CNTN4: variants seen among roughly 807,000 people sequenced by gnomAD.
The protein encoded by CNTN4 is contactin 4.
Under a neutral mutation model 122.5 loss-of-function variants are expected in CNTN4, and 77 were observed. The ratio of observed to expected loss-of-function variants is 0.63; its 90% CI spans 0.52 to 0.76. CNTN4 has a LOEUF of 0.76. CNTN4 is among the 30% of genes least tolerant of loss of function. The pLI, the probability that CNTN4 is intolerant of heterozygous loss-of-function variation, is 0.00. For missense variants in CNTN4, 1,256 were observed against 1,259.1 expected (o/e 1.00, Z 0.04); for synonymous variants, 512 against 447.0 (o/e 1.15, Z -1.83).
chr3:2,854,802 ATTAGAG>A (rs375229408), intron 7 of CNTN4, among the ~76,000 whole-genome samples: 5 of 152,192 alleles, frequency 3.3e-5, no homozygotes, highest in Admixed American at 1.3e-4. Flanking sequence ...AAAGTAAATA[ATTAGAG>A]TTAAACTGAC....
At chr3:2,534,322 A>G (rs1400663430) in intron 3 of CNTN4, among the ~76,000 whole-genome samples, 4 of 152,146 alleles carry the variant, frequency 2.6e-5, no homozygotes, top group Non-Finnish European at 5.9e-5. Flanking sequence ...CTTTCTACAT[A>G]TGGCTAGCCA....
At chr3:2,321,134 A>C (rs2043263426) in intron 2 of CNTN4, among the ~76,000 whole-genome samples, 1 of 152,082 alleles carries the variant, frequency 6.6e-6, no homozygotes, top group Non-Finnish European at 1.5e-5. Flanking sequence ...TATAGCTCTG[A>C]AGGGACCCAT....
At chr3:2,213,554 A>G (rs1168852077) in intron 2 of CNTN4, among the ~76,000 whole-genome samples, 2 of 152,216 alleles carry the variant, frequency 1.3e-5, no homozygotes, top group Non-Finnish European at 2.9e-5. Context: ...AGTAGCAATC[A>G]GCATTAATAT....
chr3:2,526,234 T>G (rs2077393316), intron 3 of CNTN4, among the ~76,000 whole-genome samples: 1 of 152,150 alleles, frequency 6.6e-6, no homozygotes, highest in African/African-American at 2.4e-5. Flanking sequence ...AGATTTATTC[T>G]TAGTAAAAAC....
intron 6 of CNTN4, among the ~76,000 whole-genome samples, chr3:2,810,207 T>C (rs563831500): frequency 1.3e-5 from 2 of 152,310 alleles, no homozygotes; most frequent in African/African-American, 4.8e-5. Context: ...AGAATAGTAA[T>C]AGAACCCACC....
chr3:2,752,971 A>G (rs2090164578), intron 6 of CNTN4, among the ~76,000 whole-genome samples: 1 of 152,192 alleles, frequency 6.6e-6, no homozygotes, highest in South Asian at 2.1e-4. Flanking sequence ...TTATGGCTGA[A>G]TAATATTCCA....
Position 2,902,971 on chromosome 3 carries a change from A to G in CNTN4, c.1173A>G (p.Gly391=). The part of the protein sequence containing the change: ...MYQCLAENKH[G]VIFSNAELSV... ...AGTGTTTGGCAGAGAATAAACATGGAGTTATCTTTTCCAACGCAGAGCTTA... is the reference window on the plus strand; with the variant it reads ...AGTGTTTGGCAGAGAATAAACATGGGGTTATCTTTTCCAACGCAGAGCTTA... The change falls in exon 12 of 25, where the codon GGA becomes GGG. Residue 391 remains glycine (G), a synonymous_variant. Transcript: ENST00000418658. 6.2e-7 allele frequency: 1 copy of G among 1,613,876 alleles called. No homozygotes were observed.
chr3:2,317,536 A>C (rs1186488876), intron 2 of CNTN4, among the ~76,000 whole-genome samples: 1 of 152,150 alleles, frequency 6.6e-6, no homozygotes, highest in Non-Finnish European at 1.5e-5. Flanking sequence ...GAGCATTATC[A>C]TACCCATTGG....
chr3:2,990,006 T>C (rs956235669), intron 14 of CNTN4, among the ~76,000 whole-genome samples: 2 of 152,208 alleles, frequency 1.3e-5, no homozygotes, highest in African/African-American at 2.4e-5. Context: ...TGGATTTGAG[T>C]CTCATTTCTA....
intron 4 of CNTN4, among the ~76,000 whole-genome samples, chr3:2,604,709 G>A (rs1208803802): frequency 6.6e-6 from 1 of 152,122 alleles, no homozygotes; most frequent in Admixed American, 6.5e-5. Context: ...ATAAAAAGCT[G>A]TACATATTTA....
intron 2 of CNTN4, among the ~76,000 whole-genome samples, chr3:2,147,081 A>G (rs2035279193): frequency 6.6e-6 from 1 of 151,988 alleles, no homozygotes; most frequent in Admixed American, 6.6e-5. Flanking sequence ...GGGTTTCATC[A>G]TATTGGCCAG....
intron 14 of CNTN4, among the ~76,000 whole-genome samples, chr3:3,003,684 C>CAAAAAAAAAAA (rs58290160): frequency 1.6e-4 from 12 of 76,976 alleles, no homozygotes; most frequent in Non-Finnish European, 1.8e-4. Context: ...ATGGTTGCAC[C>CAAAAAAAAAAA]AAAAAAAAAA....
intron 13 of CNTN4, among the ~76,000 whole-genome samples, chr3:2,951,799 T>C (rs2094748592): frequency 6.6e-6 from 1 of 152,234 alleles, no homozygotes. Context: ...TATGTGGGAA[T>C]GTCTGCCTCT....
chr3:2,600,435 G>A (rs2080988693), intron 4 of CNTN4, among the ~76,000 whole-genome samples: 1 of 152,138 alleles, frequency 6.6e-6, no homozygotes, highest in Non-Finnish European at 1.5e-5. Context: ...CCACCTATGA[G>A]TGAGAACATG....
At chr3:2,347,347 T>G (rs1439079857) in intron 3 of CNTN4, among the ~76,000 whole-genome samples, 1 of 122,700 alleles carries the variant, frequency 8.1e-6, no homozygotes, top group Non-Finnish European at 1.8e-5. Context: ...ACGTCATTTT[T>G]CCTCATATTC....
chr3:3,027,208 G>A (rs2125645636), intron 15 of CNTN4, among the ~76,000 whole-genome samples: 1 of 152,280 alleles, frequency 6.6e-6, no homozygotes, highest in Middle Eastern at 3.4e-3. Flanking sequence ...ATCAAACAGG[G>A]TTTTTGCAGT....
At chr3:2,915,104 C>T (rs368482686) in intron 12 of CNTN4, among the ~76,000 whole-genome samples, 1 of 152,150 alleles carries the variant, frequency 6.6e-6, no homozygotes, top group Non-Finnish European at 1.5e-5. Flanking sequence ...TTCACTCTGT[C>T]GCCCAGGCTG....
intron 2 of CNTN4, among the ~76,000 whole-genome samples, chr3:2,111,978 A>C (rs77494843): frequency 0.023 from 3,426 of 152,224 alleles, 52 homozygotes; most frequent in Non-Finnish European, 0.038. Flanking sequence ...GCTTTTATCT[A>C]TGGGATAGAC....
rs184489085 is a variant in CNTN4 at position 2,731,911 on chromosome 3, G to A, written c.56-4304G>A. Among the ~76,000 whole-genome samples, 19 of 152,332 alleles carry A rather than the reference G, an allele frequency of 1.2e-4. 1 individual carries two copies. In the East Asian group the frequency reaches 3.7e-3, roughly 29 times the overall value. ...TCTTTGTCAATTCAGTGCAGTGCTTGTTGGGGAGGGTGGTGTCTCACAATT... is the reference window on the plus strand; with the variant it reads ...TCTTTGTCAATTCAGTGCAGTGCTTATTGGGGAGGGTGGTGTCTCACAATT... On this transcript the variant is annotated intron_variant, in intron 4 of 24. Transcript: ENST00000418658.
Sources: gnomAD v4.1 joint callset for allele counts (sites outside exome capture counted in the v4.1 genomes callset) on GRCh38, gnomAD v4.1.1 for gene constraint, MANE v1.5 for transcripts, NCBI Gene and HGNC (gene_info 2026-07-23, HGNC 2026-07-21) for gene names.